INPP4A: variants seen among roughly 807,000 people sequenced by gnomAD.
The protein encoded by INPP4A is inositol polyphosphate-4-phosphatase, type I, 107kD.
Under a neutral mutation model 119.8 loss-of-function variants are expected in INPP4A, and 33 were observed. The observed-to-expected ratio is 0.28, with a 90% confidence interval of 0.21 to 0.37. The LOEUF is 0.37. Among genes scored for constraint, INPP4A ranks in the 10% least tolerant of loss-of-function variants. The pLI is 1.00. For missense variants in INPP4A, 956 were observed against 1,289.9 expected, an observed-to-expected ratio of 0.74 and a Z score of 3.97; for synonymous variants, 496 against 500.7, an observed-to-expected ratio of 0.99 and a Z score of 0.12.
chr2:98,564,763 G>A lies in INPP4A; in HGVS notation c.2152G>A (p.Gly718Arg). Residue 718 changes from glycine (G) to arginine (R), a missense_variant and splice_region_variant, in exon 19 of 25, where the codon GGG becomes AGG. Around this residue, in one of 2 missense-constraint regions of INPP4A, gnomAD observed 304 missense variants for 492.1 expected, o/e 0.62. Transcript: ENST00000409851. ...GTTCGAGAGCCTGCTGAGCACCTAC[G>A]GTGAGGCGCCCGGGCCAGGATCGGG... The part of the protein sequence containing the change: ...AQFESLLSTY[G>R]EELAMLEDMS... The A allele has an allele frequency of 6.3e-7, 1 of 1,583,820 alleles. No homozygotes were observed. Among genetic ancestry groups the A allele is most frequent in the Non-Finnish European group, 8.6e-7 (1 of 1,164,266 alleles).
intron 1 of INPP4A, among the ~76,000 whole-genome samples, chr2:98,503,409 T>C (rs1448947319): frequency 6.6e-6 from 1 of 152,238 alleles, no homozygotes; most frequent in Non-Finnish European, 1.5e-5. Context: ...CACAAGACTT[T>C]CCTGTTTCCT....
intron 1 of INPP4A, among the ~76,000 whole-genome samples, chr2:98,508,750 G>A (rs1684562443): frequency 6.6e-6 from 1 of 152,198 alleles, no homozygotes; most frequent in Admixed American, 6.5e-5. Flanking sequence ...CAAAGTCCTT[G>A]CCTGTTGTAG....
chr2:98,547,711 A>G (rs1394111717), intron 13 of INPP4A, among the ~76,000 whole-genome samples: 1 of 152,096 alleles, frequency 6.6e-6, no homozygotes, highest in Non-Finnish European at 1.5e-5. Context: ...AGAGGAAAAC[A>G]GTGTTAGAGC....
At position 98,552,900 on chromosome 2, in the gene INPP4A, G is replaced by T; in HGVS notation, c.1278G>T (p.Arg426=). 6.2e-7 allele frequency: 1 copy of T among 1,613,734 alleles called. No individual in the cohort carries two copies. The highest frequency in any genetic ancestry group is 8.5e-7 in the Non-Finnish European group (1 of 1,179,756). ...CCCAAGTGAGTTACTACGCAGAGCG[G>T]CTGTCAAGGGCAGCCAAGGACAGGT... ...LKTQVSYYAE[R]LSRAAKDRSA... is the part of the protein sequence containing the mutation. The change falls in exon 14 of 25, where the codon CGG becomes CGT. Residue 426 remains arginine, a synonymous_variant. Coordinates refer to ENST00000409851, the MANE Select transcript of INPP4A (RefSeq NM_001134225.2).
At position 98,554,310 on chromosome 2, in the gene INPP4A, G is replaced by A. The variant is rs1433594545; in HGVS notation, c.1387G>A (p.Ala463Thr). 5 of 1,611,570 alleles carry A rather than the reference G, an allele frequency of 3.1e-6. No individual in the cohort carries two copies. Among genetic ancestry groups the A allele is most frequent in the Non-Finnish European group, 4.2e-6 (5 of 1,179,054 alleles). ...CACGGTCTGCGACTGCAAGCTCCTG[G>A]CCAACTCCATCCATGGGCTGAACGC... ...LVTVCDCKLL[A>T]NSIHGLNAAR... is the part of the protein sequence containing the mutation. The change falls in exon 15 of 25, where the codon GCC becomes ACC. Residue 463 changes from alanine (A) to threonine (T), a missense_variant. Ala to Thr is a moderately conservative substitution (Grantham distance 58, BLOSUM62 0). This residue lies in a region of INPP4A where 652 missense variants were observed against 797.9 expected (regional missense o/e 0.82). Coordinates refer to ENST00000409851, the MANE Select transcript of INPP4A (RefSeq NM_001134225.2). This position sits in a 1 kb window ranked among gnomAD's most constrained non-coding sequence, Gnocchi z 4.7.
Position 98,554,164 on chromosome 2 carries a change from G to T in INPP4A, c.1348-107G>T. On this transcript the variant is annotated intron_variant, in intron 14 of 24. Transcript: ENST00000409851. This position sits in a 1 kb window ranked among gnomAD's most constrained non-coding sequence, Gnocchi z 4.7. ...GCTTTGCACTGTGGAGAAAGGCAGA[G>T]GGGTGCAGTGCTGGGCTTTAAGCCC... The T allele has an allele frequency of 1.3e-6, 1 of 781,896 alleles. No homozygotes were observed. The highest frequency in any genetic ancestry group is 1.8e-5 in the South Asian group (1 of 54,320). 48.4% of individuals were successfully genotyped at this position (781,896 alleles called of 1,614,324 possible).
At chr2:98,549,598 G>A (rs1185223055) in intron 13 of INPP4A, among the ~76,000 whole-genome samples, 3 of 152,186 alleles carry the variant, frequency 2.0e-5, no homozygotes, top group East Asian at 3.9e-4. Flanking sequence ...AGGCTCTGCA[G>A]TGGTGCTTCA....
At chr2:98,561,777 A>G (rs1300713236) in intron 17 of INPP4A, among the ~76,000 whole-genome samples, 1 of 152,244 alleles carries the variant, frequency 6.6e-6, no homozygotes, top group East Asian at 1.9e-4. Flanking sequence ...AAAATTGGCA[A>G]CATTTGCTTT....
chr2:98,535,928 T>C, intron 6 of INPP4A, 83 bp downstream of exon 6: 2 of 762,768 alleles, frequency 2.6e-6, no homozygotes, highest in Non-Finnish European at 4.6e-6. Flanking sequence ...TGAACACAGA[T>C]TGACTTCACT....
In INPP4A at chr2:98,546,745, T is replaced by C. The variant is rs1692549478; in HGVS notation, c.1163+51T>C. On this transcript the variant is annotated intron_variant, in intron 13 of 24. Coordinates refer to ENST00000409851, the MANE Select transcript of INPP4A (RefSeq NM_001134225.2). The surrounding 1 kb of genome is among the most constrained non-coding windows in gnomAD (Gnocchi z 4.2). The stretch of plus-strand genomic sequence containing the variant: ...TCCTTGTACAGCTTTCTGATGCTTC[T>C]TTTCTCAGTTTAAAATAAAATCAAA... 9.0e-7 allele frequency: 1 copy of C among 1,107,764 alleles called. No individual in the cohort carries two copies. The highest frequency in any genetic ancestry group is 2.4e-5 in the East Asian group (1 of 42,066). The allele number at this position is 1,107,764 out of a possible 1,614,324, so 68.6% of individuals were successfully genotyped here. A position where few individuals can be genotyped will look rare whatever the true frequency, so the allele number is the denominator to read the frequency against.
chr2:98,548,879 T>G (rs1195339873), intron 13 of INPP4A: 2 of 1,404,004 alleles, frequency 1.4e-6, no homozygotes, highest in Non-Finnish European at 2.0e-6. Flanking sequence ...TAAGTTGGCT[T>G]TTTAATTTTT....
At chr2:98,517,775 C>T (rs1375956380) in intron 1 of INPP4A, among the ~76,000 whole-genome samples, 1 of 152,148 alleles carries the variant, frequency 6.6e-6, no homozygotes, top group Non-Finnish European at 1.5e-5. Context: ...GTAGTCTTTT[C>T]CATGTTCTAT....
intron 21 of INPP4A, 83 bp from the exon 22 acceptor site, chr2:98,568,488 C>A: frequency 1.5e-6 from 1 of 686,908 alleles, no homozygotes. Context: ...AGAGAATCAG[C>A]ATAGTTAGCT....
chr2:98,482,635 G>T (rs1184711931), intron 1 of INPP4A, among the ~76,000 whole-genome samples: 1 of 152,222 alleles, frequency 6.6e-6, no homozygotes, highest in African/African-American at 2.4e-5. Context: ...GGAGGCCAGC[G>T]ACCAGCCAGT....
chr2:98,507,609 G>A (rs756659209), intron 1 of INPP4A, among the ~76,000 whole-genome samples: 261 of 152,216 alleles, frequency 1.7e-3, no homozygotes, highest in Non-Finnish European at 2.8e-3. Context: ...GCTCAAGCTG[G>A]AGAGAACTGG....
intron 1 of INPP4A, among the ~76,000 whole-genome samples, chr2:98,508,021 C>T (rs561007999): frequency 2.0e-5 from 3 of 152,138 alleles, no homozygotes; most frequent in Admixed American, 6.5e-5. Context: ...AAACACTGTA[C>T]GGCAAGGCAA....
intron 4 of INPP4A, among the ~76,000 whole-genome samples, chr2:98,527,407 G>A (rs1465928865): frequency 6.6e-6 from 1 of 152,208 alleles, no homozygotes; most frequent in Non-Finnish European, 1.5e-5. Context: ...CATTGCAGCT[G>A]CCAGAGGTAG....
At chr2:98,553,058 C>T in intron 14 of INPP4A, 89 bp downstream of exon 14, 1 of 1,003,466 alleles carries the variant, frequency 1.0e-6, no homozygotes, top group South Asian at 1.6e-5. Context: ...CTAAGATGGT[C>T]CACAAAGAGC....
chr2:98,568,068 A>C (rs961468949), intron 21 of INPP4A, among the ~76,000 whole-genome samples: 1 of 152,190 alleles, frequency 6.6e-6, no homozygotes, highest in African/African-American at 2.4e-5. Flanking sequence ...TAGCACACTG[A>C]GTGTGATCAG....
Sources: allele counts gnomAD v4.1 joint callset (sites outside exome capture counted in the v4.1 genomes callset), GRCh38; gene constraint gnomAD v4.1.1; regional missense constraint gnomAD v4.1.1; non-coding constraint Gnocchi (gnomAD v3.1); transcripts MANE v1.5; gene names NCBI Gene and HGNC (gene_info 2026-07-23, HGNC 2026-07-21).